Variants in BFSP1 observed in about 807,000 individuals in gnomAD.
BFSP1 encodes filensin.
Under a neutral mutation model 43.9 loss-of-function variants are expected in BFSP1, and 38 were observed. The observed-to-expected ratio is 0.87, with a 90% CI of 0.67 to 1.14. The LOEUF is 1.14. BFSP1 is among the 50% of genes most tolerant of loss of function. BFSP1 has a pLI of 0.00. For synonymous variants in BFSP1, 352 were observed against 354.8 expected, an observed-to-expected ratio of 0.99 and a Z score of 0.09; for missense variants, 850 against 875.1, an observed-to-expected ratio of 0.97 and a Z score of 0.36.
At chr20:17,542,707 T>C (rs16999368) in intron 1 of BFSP1, among the ~76,000 whole-genome samples, 16,706 of 152,240 alleles carry the variant, frequency 0.11, 1,207 homozygotes, top group East Asian at 0.33. Flanking sequence ...CTCAGTCTCA[T>C]TAAGCTCAAA....
At chr20:17,568,084 G>GT (rs776172730) in intron 1 of BFSP1, among the ~76,000 whole-genome samples, 68 of 152,196 alleles carry the variant, frequency 4.5e-4, no homozygotes, top group Non-Finnish European at 7.4e-4. Context: ...GTTAGAACTA[G>GT]TAAGAGGTGT....
At chr20:17,542,787 C>G (rs2034741441) in intron 1 of BFSP1, among the ~76,000 whole-genome samples, 2 of 152,170 alleles carry the variant, frequency 1.3e-5, no homozygotes, top group African/African-American at 2.4e-5. Context: ...AAAAATTAGA[C>G]TAGAATTAGA....
chr20:17,540,815 A>G (rs2034703602), intron 1 of BFSP1, among the ~76,000 whole-genome samples: 2 of 152,100 alleles, frequency 1.3e-5, no homozygotes, highest in South Asian at 4.2e-4. Flanking sequence ...CTCTGGCATA[A>G]TCTCTCCTCC....
upstream of BFSP1, among the ~76,000 whole-genome samples, chr20:17,535,301 T>A (rs1048576036): frequency 6.6e-6 from 1 of 151,892 alleles, no homozygotes; most frequent in African/African-American, 2.4e-5. Flanking sequence ...GAGACCAAGG[T>A]GGGCGGATCA....
Position 17,552,420 on chromosome 20 carries a change from C to T in BFSP1, c.2+6268G>A, listed in dbSNP as rs56314666. On this transcript the variant is annotated intron_variant, in intron 1 of 7. Transcript: ENST00000377868. ...GGAAGGGCAACGAGAGGACAGATCC[C>T]ACGGGATTTCTACAAATCCTCCATA... 5.6e-3 allele frequency among the ~76,000 whole-genome samples: 855 copies of T among 152,266 alleles called. 8 individuals carry two copies. The highest frequency in any genetic ancestry group is 0.02 in the African/African-American group (819 of 41,556).
At chr20:17,538,686 G>A (rs1014629575) in intron 1 of BFSP1, among the ~76,000 whole-genome samples, 2 of 152,100 alleles carry the variant, frequency 1.3e-5, no homozygotes, top group Non-Finnish European at 2.9e-5. Context: ...CCAACTCATC[G>A]TCATTCTGGT....
At chr20:17,517,136 G>A in intron 2 of BFSP1, 1 of 801,424 alleles carries the variant, frequency 1.2e-6, no homozygotes, top group Non-Finnish European at 2.2e-6. Flanking sequence ...AGAAGATTAA[G>A]CTGGCTGTCC....
At chr20:17,560,820 G>T (rs1025708131), upstream of BFSP1, 1 of 152,148 alleles carries the variant, frequency 6.6e-6, no homozygotes, top group African/African-American at 2.4e-5. Context: ...GGAAAAATGA[G>T]TCCCAACCAG....
chr20:17,528,474 A>G (rs2034466724), intron 1 of BFSP1, among the ~76,000 whole-genome samples: 1 of 152,208 alleles, frequency 6.6e-6, no homozygotes, highest in Admixed American at 6.5e-5. Flanking sequence ...GCTGCCCCGG[A>G]TGTCTGAGCC....
At chr20:17,537,110 T>A (rs1044661845) in intron 1 of BFSP1, among the ~76,000 whole-genome samples, 1 of 152,194 alleles carries the variant, frequency 6.6e-6, no homozygotes, top group Non-Finnish European at 1.5e-5. Flanking sequence ...AACATGCAAA[T>A]GTCTGCCACA....
chr20:17,531,778 CTT>C (rs922928729), upstream of BFSP1, among the ~76,000 whole-genome samples: 10 of 151,918 alleles, frequency 6.6e-5, no homozygotes, highest in African/African-American at 2.2e-4. Flanking sequence ...TTGTAGAACT[CTT>C]TAACAATGCC....
At position 17,525,748 on chromosome 20, in the gene BFSP1, A is replaced by G. The variant is rs894256027; in HGVS notation, c.378-840T>C. On this transcript the variant is annotated intron_variant, in intron 1 of 7. Transcript: ENST00000377873. This position sits in a 1 kb window ranked among gnomAD's most constrained non-coding sequence, Gnocchi z 4.2. ...CCAAATGCCCATTCTTGCTGTCTTC[A>G]GGAGTTAGAGCCCTTGATGCTTGGC... is the stretch of plus-strand genomic sequence containing the variant. Among the ~76,000 whole-genome samples the G allele has an allele frequency of 6.6e-6, 1 of 152,128 alleles. No individual in the cohort carries two copies. The highest frequency in any genetic ancestry group is 2.4e-5 in the African/African-American group (1 of 41,428).
At chr20:17,547,826 G>T (rs1021307036) in intron 1 of BFSP1, among the ~76,000 whole-genome samples, 4 of 148,698 alleles carry the variant, frequency 2.7e-5, no homozygotes, top group Non-Finnish European at 5.9e-5. Flanking sequence ...TGCCTCACAG[G>T]CTCAATCAAT....
intron 1 of BFSP1, among the ~76,000 whole-genome samples, chr20:17,556,760 A>AT (rs746043337): frequency 3.3e-5 from 5 of 152,070 alleles, no homozygotes; most frequent in Non-Finnish European, 7.4e-5. Context: ...ATATAATTAA[A>AT]TTTTTTAAAA....
intron 1 of BFSP1, among the ~76,000 whole-genome samples, chr20:17,554,016 T>C (rs1321783267): frequency 1.3e-5 from 2 of 151,086 alleles, no homozygotes; most frequent in African/African-American, 2.4e-5. Context: ...ATAGAAACTA[T>C]TATGTACAGT....
At chr20:17,505,473 G>A (rs2123473251) in intron 5 of BFSP1, among the ~76,000 whole-genome samples, 1 of 152,332 alleles carries the variant, frequency 6.6e-6, no homozygotes, top group Non-Finnish European at 1.5e-5. Flanking sequence ...AACCATAGGC[G>A]GAACCCGCTG....
intron 5 of BFSP1, among the ~76,000 whole-genome samples, chr20:17,502,576 ACT>A (rs1319336306): frequency 6.6e-6 from 1 of 152,212 alleles, no homozygotes; most frequent in Non-Finnish European, 1.5e-5. Flanking sequence ...CGACAGGATC[ACT>A]GTTAATTTCC....
At chr20:17,520,220 C>A (rs6044859) in intron 2 of BFSP1, among the ~76,000 whole-genome samples, 2 of 148,572 alleles carry the variant, frequency 1.3e-5, no homozygotes, top group Non-Finnish European at 3.0e-5. Context: ...GCCCCCCCAC[C>A]CCGCCCACCT....
chr20:17,537,568 CAAA>C (rs901895418), intron 1 of BFSP1, among the ~76,000 whole-genome samples: 3 of 63,818 alleles, frequency 4.7e-5, no homozygotes, highest in East Asian at 4.0e-4. Flanking sequence ...ACTGAAGCAC[CAAA>C]AAAAAAAAAA....
Sources: allele counts gnomAD v4.1 joint callset (sites outside exome capture counted in the v4.1 genomes callset), GRCh38; gene constraint gnomAD v4.1.1; non-coding constraint Gnocchi (gnomAD v3.1); transcripts MANE v1.5; gene names NCBI Gene and HGNC (gene_info 2026-07-23, HGNC 2026-07-21).